Variants in ABCB10 observed in about 807,000 individuals in gnomAD.
ABCB10 encodes the protein ATP-binding cassette sub-family B member 10, mitochondrial.
Under a neutral mutation model 65.4 loss-of-function variants are expected in ABCB10, and 54 were observed. That is an observed-to-expected ratio of 0.83 (90% CI 0.66 to 1.04). The LOEUF is 1.04. Among genes scored for constraint, ABCB10 ranks in the 50% least tolerant of loss-of-function variants. ABCB10 has a pLI of 0.00. For missense variants in ABCB10, 846 were observed against 976.6 expected (o/e 0.87, Z 1.78); for synonymous variants, 418 against 406.5 (o/e 1.03, Z -0.34).
intron 6 of ABCB10, among the ~76,000 whole-genome samples, chr1:229,539,209 G>A (rs1481701398): frequency 1.3e-5 from 2 of 152,162 alleles, no homozygotes; most frequent in Non-Finnish European, 2.9e-5. Context: ...AACCACTCCA[G>A]AGCGATGCTG....
intron 9 of ABCB10, 70 bp downstream of exon 9, chr1:229,527,154 CAAAAA>C (rs113863559): frequency 3.1e-5 from 33 of 1,077,920 alleles, no homozygotes; most frequent in Admixed American, 1.0e-4. Flanking sequence ...AAGTTCGAGA[CAAAAA>C]AAAAAAAAAG....
intron 6 of ABCB10, 119 bp from the exon 7 acceptor site, chr1:229,531,850 CA>C (rs1269743192): frequency 1.6e-6 from 1 of 641,160 alleles, no homozygotes; most frequent in Non-Finnish European, 2.4e-6. Context: ...TTAATATTTT[CA>C]AAAAACAACT....
intron 8 of ABCB10, among the ~76,000 whole-genome samples, chr1:229,527,882 T>G (rs1662482722): frequency 1.3e-5 from 2 of 152,236 alleles, no homozygotes; most frequent in African/African-American, 4.8e-5. Context: ...CAGTGATTTT[T>G]GAGCTCTTTT....
chr1:229,528,325 CTT>C (rs67565614), intron 8 of ABCB10, among the ~76,000 whole-genome samples: 1 of 146,412 alleles, frequency 6.8e-6, no homozygotes. Context: ...TTTTTTTGGT[CTT>C]TTTTTTTTTT....
chr1:229,531,946 A>ATTT, intron 6 of ABCB10: 42 of 219,650 alleles, frequency 1.9e-4, no homozygotes, highest in East Asian at 2.6e-4. Context: ...CCAGTTTCAT[A>ATTT]GTTTTTTTTT....
Position 229,558,541 on chromosome 1 carries a change from C to G in ABCB10, c.112G>C (p.Gly38Arg). 6 of 1,439,700 alleles carry G rather than the reference C, an allele frequency of 4.2e-6. No individual in the cohort carries two copies. The highest frequency in any genetic ancestry group is 5.5e-6 in the Non-Finnish European group (6 of 1,097,426). The allele number at this position is 1,439,700 out of a possible 1,614,324, so 89.2% of individuals were successfully genotyped here. Residue 38 changes from glycine to arginine, a missense_variant, in exon 1 of 13, where the codon GGG (glycine) becomes CGG (arginine). Physicochemically the swap from Gly to Arg is moderately radical, Grantham distance 125. This residue lies in a region of ABCB10 where 214 missense variants were observed against 173.5 expected (regional missense o/e 1.23). Coordinates refer to ENST00000344517, the MANE Select transcript of ABCB10 (RefSeq NM_012089.3). ...CVWAAASRVP[G>R]SLSPFTGLRP... ...AGGCCAGTGAACGGCGATAGGGACC[C>G]GGGAACGCGGCTGGCCGCGGCCCAC...
rs374024594 is a variant in ABCB10 at position 229,530,325 on chromosome 1, C to A, written c.1519G>T (p.Val507Leu). The stretch of plus-strand genomic sequence containing the variant: ...AGGCTGAAATCCTGAAATATGGGCA[C>A]CTCTGGGCGAGCTGGATAGGCAAAA... ...VHFAYPARPE[V>L]PIFQDFSLSI... The change falls in exon 8 of 13, where the codon GTG becomes TTG. Residue 507 changes from valine (V) to leucine (L), a missense_variant. This residue lies in a region of ABCB10 where 632 missense variants were observed against 803.2 expected (regional missense o/e 0.79). Transcript: ENST00000344517. The A allele has an allele frequency of 1.9e-6, 3 of 1,614,022 alleles. No homozygotes were observed. In the African/African-American group the frequency reaches 4.0e-5, roughly 22 times the overall value.
chr1:229,522,532 G>T (rs1196715977), intron 10 of ABCB10, among the ~76,000 whole-genome samples: 2 of 152,180 alleles, frequency 1.3e-5, no homozygotes, highest in Non-Finnish European at 2.9e-5. Context: ...AAAATCCTAT[G>T]AGACAGACCC....
At chr1:229,520,085 T>C (rs1021674380) in intron 11 of ABCB10, among the ~76,000 whole-genome samples, 11 of 136,464 alleles carry the variant, frequency 8.1e-5, no homozygotes, top group Non-Finnish European at 1.8e-4. Flanking sequence ...AAGTGAGCCA[T>C]GATCACACCA....
At position 229,525,958 on chromosome 1, in the gene ABCB10, T is replaced by C. The variant is rs753347027; in HGVS notation, c.1884A>G (p.Gly628=). Residue 628 remains glycine, a synonymous_variant, in exon 10 of 13, where the codon GGA becomes GGG. Coordinates refer to ENST00000344517, the MANE Select transcript of ABCB10 (RefSeq NM_012089.3). Reference sequence around the variant, plus strand: ...CACCTGAGAGGAGAACACCCTTTTCTCCAACCACAGTGTTGAACCCTTGGG... The same window carrying C: ...CACCTGAGAGGAGAACACCCTTTTCCCCAACCACAGTGTTGAACCCTTGGG... The part of the protein sequence containing the change: ...NFPQGFNTVV[G]EKGVLLSGGQ... The C allele has an allele frequency of 2.2e-5, 35 of 1,613,676 alleles. No homozygotes were observed. In the East Asian group the frequency reaches 2.7e-4, roughly 12 times the overall value.
At chr1:229,532,830 A>T (rs973944209) in intron 6 of ABCB10, among the ~76,000 whole-genome samples, 1 of 152,218 alleles carries the variant, frequency 6.6e-6, no homozygotes, top group African/African-American at 2.4e-5. Flanking sequence ...GCAATGAGGT[A>T]TTACTGCACC....
At chr1:229,551,681 G>T (rs184395105) in intron 1 of ABCB10, among the ~76,000 whole-genome samples, 1 of 152,330 alleles carries the variant, frequency 6.6e-6, no homozygotes, top group East Asian at 1.9e-4. Context: ...CCGGGGTCTT[G>T]TTTCAAAGCA....
At chr1:229,528,531 A>C (rs368100302) in intron 8 of ABCB10, among the ~76,000 whole-genome samples, 10 of 152,300 alleles carry the variant, frequency 6.6e-5, no homozygotes, top group East Asian at 5.8e-4. Flanking sequence ...GTGATTCCAG[A>C]GACAAACAAT....
chr1:229,527,327 AAGGAAAG>A lies in ABCB10; in HGVS notation c.1646-26_1646-20del, dbSNP rs1365334801. The A allele has an allele frequency of 6.2e-7, 1 of 1,602,102 alleles. No homozygotes were observed. The highest frequency in any genetic ancestry group is 1.7e-5 in the Admixed American group (1 of 59,692). The stretch of plus-strand genomic sequence containing the variant: ...ATAGTTCCTTGTTGAGAGGAAAGGA[AAGGAAAG>A]AGTCACTGAGTGTGATGAGGCTGAT... On this transcript the variant is annotated intron_variant, in intron 8 of 12. Transcript: ENST00000344517.
chr1:229,529,008 C>A (rs1662506743), intron 8 of ABCB10, among the ~76,000 whole-genome samples: 1 of 151,972 alleles, frequency 6.6e-6, no homozygotes, highest in Middle Eastern at 3.4e-3. Context: ...TAAGAAAATC[C>A]CGGCTGGGCG....
intron 10 of ABCB10, among the ~76,000 whole-genome samples, chr1:229,524,213 T>G (rs868478768): frequency 2.0e-5 from 3 of 151,566 alleles, no homozygotes; most frequent in African/African-American, 4.9e-5. Flanking sequence ...AAGGGTGGAG[T>G]GCAGTGGTGC....
chr1:229,519,164 G>C (rs958886116), intron 11 of ABCB10: 16 of 256,018 alleles, frequency 6.2e-5, no homozygotes, highest in Admixed American at 2.2e-4. Context: ...GGGTCCCTGG[G>C]GGGGTGATGA....
intron 8 of ABCB10, among the ~76,000 whole-genome samples, chr1:229,528,934 C>A (rs71652387): frequency 2.6e-5 from 4 of 152,068 alleles, no homozygotes; most frequent in South Asian, 2.1e-4. Flanking sequence ...GTGCTCTTTG[C>A]TCTTAAAGAT....
intron 4 of ABCB10, 106 bp downstream of exon 4, chr1:229,542,131 G>A (rs1007431944): frequency 5.7e-5 from 79 of 1,375,008 alleles, no homozygotes; most frequent in Non-Finnish European, 7.2e-5. Context: ...AGGAAAGGCA[G>A]GCACTTCATT....
Sources: allele counts gnomAD v4.1 joint callset (sites outside exome capture counted in the v4.1 genomes callset), GRCh38; gene constraint gnomAD v4.1.1; regional missense constraint gnomAD v4.1.1; transcripts MANE v1.5; gene names NCBI Gene and HGNC (gene_info 2026-07-23, HGNC 2026-07-21).